GLE1: variants seen among roughly 807,000 people sequenced by gnomAD.
The protein encoded by GLE1 is GLE1 RNA export mediator.
A neutral mutation model predicts 97.3 loss-of-function variants in GLE1; 78 were observed. The ratio of observed to expected loss-of-function variants is 0.80; its 90% CI spans 0.67 to 0.97. GLE1 has a LOEUF of 0.97. GLE1 is among the 50% of genes least tolerant of loss of function. The probability of loss-of-function intolerance (pLI) is 0.00; values close to 1 mark genes in which losing one functional copy is unlikely to be tolerated. For synonymous variants in GLE1, 302 were observed against 313.4 expected (o/e 0.96, Z 0.39); for missense variants, 753 against 857.5 (o/e 0.88, Z 1.52).
chr9:128,518,266 CA>C (rs1421687261), intron 3 of GLE1, among the ~76,000 whole-genome samples: 1 of 151,716 alleles, frequency 6.6e-6, no homozygotes, highest in Non-Finnish European at 1.5e-5. Context: ...GTTTTAAAAT[CA>C]TTACAGCACA....
chr9:128,523,423 C>T, intron 5 of GLE1, 83 bp downstream of exon 5: 12 of 1,396,352 alleles, frequency 8.6e-6, no homozygotes, highest in Non-Finnish European at 1.2e-5. Context: ...CAGATGGCCA[C>T]CATGGAGGAT....
chr9:128,520,444 A>G lies in GLE1; in HGVS notation c.433-2224A>G, dbSNP rs552620130. ...TGTATATATGTATATATATGTATAT[A>G]TATATAAAAAATACAATAAAATCAT... On this transcript the variant is annotated intron_variant, in intron 3 of 15. Transcript: ENST00000309971. Among the ~76,000 whole-genome samples, 280 of 147,328 alleles carry G rather than the reference A, an allele frequency of 1.9e-3. 1 individual carries two copies. Among genetic ancestry groups the G allele is most frequent in the African/African-American group, 5.8e-3 (233 of 40,362 alleles).
In GLE1 at chr9:128,527,283, G is replaced by T; in HGVS notation, c.1234G>T (p.Asp412Tyr). Residue 412 changes from aspartate (D) to tyrosine (Y), a missense_variant, in exon 8 of 16, where the codon GAC (aspartate) becomes TAC (tyrosine). Physicochemically the swap from Asp to Tyr is radical, Grantham distance 160. Coordinates refer to ENST00000309971, the MANE Select transcript of GLE1 (RefSeq NM_001003722.2). ...CTTTGAGGGCCTGACCAACAGCAAG[G>T]ACAGTCAGGTAGGGGAGAGGTATAT... ...LTFEGLTNSK[D>Y]SQAKKIKMDL... The T allele has an allele frequency of 1.3e-6, 2 of 1,584,200 alleles. No homozygotes were observed. The highest frequency in any genetic ancestry group is 1.1e-5 in the South Asian group (1 of 90,508).
chr9:128,535,744 C>T (rs548587430), intron 11 of GLE1, among the ~76,000 whole-genome samples: 70 of 152,116 alleles, frequency 4.6e-4, no homozygotes, highest in African/African-American at 1.6e-3. Flanking sequence ...TCGCTTGAAC[C>T]CGAGAGGCGG....
intron 9 of GLE1, 80 bp downstream of exon 9, chr9:128,527,605 T>A: frequency 1.1e-6 from 1 of 884,850 alleles, no homozygotes; most frequent in East Asian, 2.4e-5. Flanking sequence ...ATCTGTAAGG[T>A]TCCTATAAAA....
intron 2 of GLE1, among the ~76,000 whole-genome samples, chr9:128,512,737 G>A (rs572828054): frequency 2.0e-5 from 3 of 151,622 alleles, no homozygotes; most frequent in South Asian, 2.1e-4. Flanking sequence ...GCGTGATCTC[G>A]ACTCACTGCA....
chr9:128,509,159 T>C, intron 2 of GLE1, 62 bp downstream of exon 2: 1 of 967,270 alleles, frequency 1.0e-6, no homozygotes, highest in African/African-American at 1.6e-5. Flanking sequence ...ATGTTTAATA[T>C]TGTCATATGA....
Position 128,525,399 on chromosome 9 carries a change from G to C in GLE1, c.1105G>C (p.Gly369Arg), listed in dbSNP as rs1196321711. The C allele has an allele frequency of 1.2e-6, 2 of 1,605,936 alleles. No individual in the cohort carries two copies. Among genetic ancestry groups the C allele is most frequent in the African/African-American group, 2.7e-5 (2 of 74,754 alleles). Reference sequence around the variant, plus strand: ...CAAAGAGCCCCCAGCTCCCAGCCAGGGCCCAGGAGGGAAACAGAATGAAGG... The same window carrying C: ...CAAAGAGCCCCCAGCTCCCAGCCAGCGCCCAGGAGGGAAACAGAATGAAGG... The part of the protein sequence containing the change: ...AHKEPPAPSQ[G>R]PGGKQNEDLQ... The change falls in exon 7 of 16, where the codon GGC (glycine) becomes CGC (arginine). Residue 369 changes from glycine (G) to arginine (R), a missense_variant. By Grantham distance (125) the Gly-to-Arg change is moderately radical. Transcript: ENST00000309971.
At chr9:128,527,102 G>A (rs1847321729) in intron 7 of GLE1, 77 bp from the exon 8 acceptor site, 2 of 789,540 alleles carry the variant, frequency 2.5e-6, no homozygotes, top group Non-Finnish European at 4.5e-6. Flanking sequence ...TACATAAAGT[G>A]ATTATAACAG....
chr9:128,529,482 C>T (rs1375388058), intron 9 of GLE1, among the ~76,000 whole-genome samples: 1 of 152,158 alleles, frequency 6.6e-6, no homozygotes, highest in Non-Finnish European at 1.5e-5. Context: ...TTTTTATAGG[C>T]TCCTCTCTCT....
Position 128,539,693 on chromosome 9 carries a change from T to C in GLE1, c.1959T>C (p.Phe653=), listed in dbSNP as rs1451311409. 1 of 1,613,368 alleles carries C rather than the reference T, an allele frequency of 6.2e-7. No homozygotes were observed. The highest frequency in any genetic ancestry group is 2.2e-5 in the East Asian group (1 of 44,878). ...TAATTCTCATCAAAGAGGACTACTT[T>C]CCCAGGTATCAGGCTTGTTGAGCAG... The part of the protein sequence containing the change: ...KMLILIKEDY[F]PRIEAITSSG... The change falls in exon 14 of 16, where the codon TTT becomes TTC. Residue 653 remains phenylalanine, a synonymous_variant. Transcript: ENST00000309971.
intron 14 of GLE1, 30 bp from the exon 15 acceptor site, chr9:128,540,243 GGT>G: frequency 7.0e-7 from 1 of 1,430,688 alleles, no homozygotes; most frequent in Non-Finnish European, 9.9e-7. Flanking sequence ...GTATATCATA[GGT>G]GTGATTCATG....
At chr9:128,518,300 C>T (rs1182156594) in intron 3 of GLE1, among the ~76,000 whole-genome samples, 1 of 152,162 alleles carries the variant, frequency 6.6e-6, no homozygotes, top group Non-Finnish European at 1.5e-5. Flanking sequence ...TTGGCTCACA[C>T]CTGTAATCCC....
intron 15 of GLE1, 46 bp from the exon 16 acceptor site, chr9:128,541,056 C>T: frequency 9.8e-7 from 1 of 1,023,578 alleles, no homozygotes; most frequent in Non-Finnish European, 1.6e-6. Flanking sequence ...GTTGGGAACA[C>T]TGTTATCAGA....
chr9:128,540,716 T>TC (rs894150130), intron 15 of GLE1: 5 of 360,232 alleles, frequency 1.4e-5, no homozygotes, highest in African/African-American at 1.0e-4. Context: ...GTTGGACTCT[T>TC]CCCCTACTTC....
Position 128,525,401 on chromosome 9 carries a change from C to A in GLE1, c.1107C>A (p.Gly369=). The stretch of plus-strand genomic sequence containing the variant: ...AAGAGCCCCCAGCTCCCAGCCAGGG[C>A]CCAGGAGGGAAACAGAATGAAGGTG... The part of the protein sequence containing the change: ...AHKEPPAPSQ[G]PGGKQNEDLQ... Residue 369 remains glycine (G), a synonymous_variant, in exon 7 of 16, where the codon GGC becomes GGA. Coordinates refer to ENST00000309971, the MANE Select transcript of GLE1 (RefSeq NM_001003722.2). 1 of 1,605,302 alleles carries A rather than the reference C, an allele frequency of 6.2e-7. No individual in the cohort carries two copies. Among genetic ancestry groups the A allele is most frequent in the Non-Finnish European group, 8.5e-7 (1 of 1,175,110 alleles).
In GLE1 at chr9:128,505,964, A is replaced by G. The variant is rs528182029; in HGVS notation, c.99+1060A>G. The stretch of plus-strand genomic sequence containing the variant: ...ATTCTACTGTAAGGAGGTGCTTTCT[A>G]TTTTATTCAGTGAGTTGTAATCCAT... On this transcript the variant is annotated intron_variant, in intron 1 of 15. Coordinates refer to ENST00000309971, the MANE Select transcript of GLE1 (RefSeq NM_001003722.2). Among the ~76,000 whole-genome samples the G allele has an allele frequency of 7.9e-5, 12 of 152,170 alleles. No individual in the cohort carries two copies. In the East Asian group the frequency reaches 1.5e-3, roughly 20 times the overall value.
At chr9:128,507,675 G>A (rs1846680782) in intron 1 of GLE1, among the ~76,000 whole-genome samples, 1 of 151,678 alleles carries the variant, frequency 6.6e-6, no homozygotes, top group Non-Finnish European at 1.5e-5. Flanking sequence ...ATCACCTGAG[G>A]TCAGGAGTTT....
intron 14 of GLE1, 91 bp from the exon 15 acceptor site, chr9:128,540,184 G>C: frequency 1.1e-6 from 1 of 890,074 alleles, no homozygotes; most frequent in South Asian, 1.3e-5. Context: ...CCACCGCGCT[G>C]CACTCCAGCC....
Sources: allele counts gnomAD v4.1 joint callset (sites outside exome capture counted in the v4.1 genomes callset), GRCh38; gene constraint gnomAD v4.1.1; transcripts MANE v1.5; gene names NCBI Gene and HGNC (gene_info 2026-07-23, HGNC 2026-07-21).